Variants in ZFHX3 observed in about 807,000 individuals in gnomAD.
The protein encoded by ZFHX3 is zinc finger homeobox 3, also known as zinc finger homeobox protein 3.
A neutral mutation model predicts 279.1 loss-of-function variants in ZFHX3; 42 were observed. The observed-to-expected ratio is 0.15, with a 90% CI of 0.12 to 0.19. The LOEUF is 0.19. ZFHX3 is among the 10% of genes least tolerant of loss of function. The pLI is 1.00. For synonymous variants in ZFHX3, 2,293 were observed against 1,957.8 expected (o/e 1.17, Z -4.52); for missense variants, 4,981 against 4,754.0 (o/e 1.05, Z -1.40).
intron 2 of ZFHX3, among the ~76,000 whole-genome samples, chr16:73,632,030 C>G (rs2052477460): frequency 6.6e-6 from 1 of 151,354 alleles, no homozygotes; most frequent in South Asian, 2.1e-4. Flanking sequence ...TTCTTTAAAA[C>G]TACAAATCTA....
intron 5 of ZFHX3, among the ~76,000 whole-genome samples, chr16:73,245,433 C>T (rs1290922192): frequency 1.3e-5 from 2 of 152,268 alleles, no homozygotes; most frequent in African/African-American, 2.4e-5. Context: ...CTGCATGGGG[C>T]CCACATTCCA....
chr16:73,341,151 G>A (rs568324440), intron 3 of ZFHX3, among the ~76,000 whole-genome samples: 43 of 152,226 alleles, frequency 2.8e-4, no homozygotes, highest in African/African-American at 9.9e-4. Context: ...GACTAGCCTG[G>A]CCAACATGGT....
intron 1 of ZFHX3, among the ~76,000 whole-genome samples, chr16:73,855,037 G>A (rs1410404778): frequency 6.6e-6 from 1 of 152,090 alleles, no homozygotes; most frequent in Non-Finnish European, 1.5e-5. Flanking sequence ...TTTTCCCGAG[G>A]AGGTACTGGT....
intron 2 of ZFHX3, among the ~76,000 whole-genome samples, chr16:73,612,497 T>C (rs1233888955): frequency 1.3e-5 from 2 of 152,240 alleles, no homozygotes; most frequent in African/African-American, 4.8e-5. Flanking sequence ...TTTTGTAGCT[T>C]TTCCAGTTTC....
intron 1 of ZFHX3, among the ~76,000 whole-genome samples, chr16:73,848,246 T>TTA (rs1386138553): frequency 1.3e-5 from 2 of 152,060 alleles, no homozygotes. Flanking sequence ...CTAGACTCCC[T>TTA]TAGGAGCACT....
chr16:73,090,828 T>G (rs1473681384), intron 8 of ZFHX3, among the ~76,000 whole-genome samples: 1 of 149,778 alleles, frequency 6.7e-6, no homozygotes, highest in Non-Finnish European at 1.5e-5. Context: ...GGAGAATCAC[T>G]TGAGCCCAAG....
At chr16:72,807,674 G>T (rs950112131) in intron 7 of ZFHX3, 1 of 152,114 alleles carries the variant, frequency 6.6e-6, no homozygotes, top group Non-Finnish European at 1.5e-5. Context: ...GGACTGAACC[G>T]AACTCAAGCT....
At chr16:73,850,877 A>C (rs879643037) in intron 1 of ZFHX3, among the ~76,000 whole-genome samples, 7 of 152,188 alleles carry the variant, frequency 4.6e-5, no homozygotes, top group African/African-American at 1.4e-4. Flanking sequence ...TTTGAGTGTC[A>C]CATTCTCACC....
At chr16:72,972,637 A>C (rs1397138641) in intron 1 of ZFHX3, among the ~76,000 whole-genome samples, 2 of 152,142 alleles carry the variant, frequency 1.3e-5, no homozygotes, top group Non-Finnish European at 2.9e-5. Context: ...GTGGGAAGGC[A>C]CTATGTCGCC....
At chr16:73,017,699 T>C (rs781730550) in intron 1 of ZFHX3, among the ~76,000 whole-genome samples, 8 of 151,956 alleles carry the variant, frequency 5.3e-5, no homozygotes, top group Non-Finnish European at 8.8e-5. Context: ...ACCCCACAGA[T>C]AGAGCTCGTC....
intron 1 of ZFHX3, among the ~76,000 whole-genome samples, chr16:73,004,824 C>T (rs994902290): frequency 6.6e-6 from 1 of 152,144 alleles, no homozygotes; most frequent in Non-Finnish European, 1.5e-5. Context: ...CCTCACTGCC[C>T]TATATTCAGA....
intron 5 of ZFHX3, among the ~76,000 whole-genome samples, chr16:73,250,652 G>A (rs2144955548): frequency 6.6e-6 from 1 of 152,160 alleles, no homozygotes; most frequent in Admixed American, 6.5e-5. Context: ...TTCTGCCTCA[G>A]CCTCTCAAGT....
intron 2 of ZFHX3, chr16:73,500,218 GAGA>G (rs1239162168): frequency 1.3e-5 from 2 of 152,304 alleles, no homozygotes; most frequent in Non-Finnish European, 2.9e-5. Context: ...CTTCCAGTGG[GAGA>G]AGATGTGCAG....
intron 2 of ZFHX3, among the ~76,000 whole-genome samples, chr16:73,517,732 T>C (rs2019546997): frequency 6.6e-6 from 1 of 152,166 alleles, no homozygotes; most frequent in African/African-American, 2.4e-5. Context: ...AAGGAGAGAA[T>C]ATAAATTCCC....
chr16:73,632,133 A>G (rs1249938124), intron 2 of ZFHX3, among the ~76,000 whole-genome samples: 1 of 152,210 alleles, frequency 6.6e-6, no homozygotes, highest in Non-Finnish European at 1.5e-5. Context: ...AAGTGGCTGC[A>G]GGCAAAATAT....
At chr16:73,742,199 T>C (rs1461290893) in intron 1 of ZFHX3, among the ~76,000 whole-genome samples, 1 of 152,244 alleles carries the variant, frequency 6.6e-6, no homozygotes, top group Admixed American at 6.5e-5. Flanking sequence ...ACAGCCGTTT[T>C]TGAACATGTC....
intron 1 of ZFHX3, among the ~76,000 whole-genome samples, chr16:73,831,190 T>C (rs1960986148): frequency 6.6e-6 from 1 of 152,168 alleles, no homozygotes; most frequent in African/African-American, 2.4e-5. Flanking sequence ...AATTTTCCAT[T>C]CTCAAGGCTA....
intron 1 of ZFHX3, among the ~76,000 whole-genome samples, chr16:73,879,366 A>T (rs1201131630): frequency 6.6e-6 from 1 of 151,422 alleles, no homozygotes; most frequent in Non-Finnish European, 1.5e-5. Flanking sequence ...CTTATGCGGT[A>T]TGGGATGGAG....
chr16:73,113,988 G>A (rs1050322944), intron 7 of ZFHX3, among the ~76,000 whole-genome samples: 6 of 151,712 alleles, frequency 4.0e-5, no homozygotes, highest in African/African-American at 1.5e-4. Flanking sequence ...AGTAGAGATG[G>A]GGTTTCACCA....
Sources: gnomAD v4.1 joint callset for allele counts (sites outside exome capture counted in the v4.1 genomes callset) on GRCh38, gnomAD v4.1.1 for gene constraint, MANE v1.5 for transcripts, NCBI Gene and HGNC (gene_info 2026-07-23, HGNC 2026-07-21) for gene names.